ARRDC2: variants seen among roughly 807,000 people sequenced by gnomAD.
ARRDC2 encodes the protein arrestin domain-containing protein 2.
A neutral mutation model predicts 38.9 loss-of-function variants in ARRDC2; 39 were observed. The ratio of observed to expected loss-of-function variants is 1.00; its 90% CI spans 0.78 to 1.31. The LOEUF is 1.31. Ranked by LOEUF, ARRDC2 falls within the 50% of genes most tolerant of loss-of-function variation. ARRDC2 has a pLI of 0.00. For synonymous variants in ARRDC2, 300 were observed against 261.9 expected, an observed-to-expected ratio of 1.15 and a Z score of -1.41; for missense variants, 553 against 588.4, an observed-to-expected ratio of 0.94 and a Z score of 0.62.
In ARRDC2 at chr19:18,012,689, T is replaced by C. The variant is rs2033437198; in HGVS notation, c.1171-224T>C. On this transcript the variant is annotated intron_variant, in intron 7 of 7. Coordinates refer to ENST00000222250, the MANE Select transcript of ARRDC2 (RefSeq NM_015683.2). ...TCAGGGACCTGAGCATCTGTGGATT[T>C]TGGTATCCACGGGGTTCCTGGAACC... is the stretch of plus-strand genomic sequence containing the variant. Among the ~76,000 whole-genome samples the C allele has an allele frequency of 1.3e-5, 2 of 152,172 alleles. 1 individual carries two copies. Among genetic ancestry groups the C allele is most frequent in the South Asian group, 4.1e-4 (2 of 4,832 alleles).
At position 18,008,223 on chromosome 19, in the gene ARRDC2, T is replaced by C; in HGVS notation, c.-88T>C. ...CTGCGCGTTGACGGCGATTTTGCGT[T>C]CTGAGGCTGCAGCGTCGGCATCTTG... On this transcript the variant is annotated 5_prime_UTR_variant, in exon 1 of 8. Coordinates refer to ENST00000222250, the MANE Select transcript of ARRDC2 (RefSeq NM_015683.2). 6.6e-7 allele frequency: 1 copy of C among 1,522,316 alleles called. No homozygotes were observed. The highest frequency in any genetic ancestry group is 1.2e-5 in the South Asian group (1 of 84,728). 94.3% of individuals were successfully genotyped at this position (1,522,316 alleles called of 1,614,324 possible). A position where few individuals can be genotyped will look rare whatever the true frequency, so the allele number is the denominator to read the frequency against.
In ARRDC2 at chr19:18,009,062, G is replaced by T. The variant is rs1248421365; in HGVS notation, c.433G>T (p.Ala145Ser). 1 of 1,613,554 alleles carries T rather than the reference G, an allele frequency of 6.2e-7. No individual in the cohort carries two copies. Among genetic ancestry groups the T allele is most frequent in the Admixed American group, 1.7e-5 (1 of 60,010 alleles). Reference protein sequence around the residue: ...LHRPWVPARRARKVFTVIEPV... With the variant: ...LHRPWVPARRSRKVFTVIEPV... ...CCGGCCCTGGGTCCCAGCACGCCGG[G>T]CAAGGAAGGTGTTCACTGTCATCGA... The change falls in exon 3 of 8, where the codon GCA becomes TCA. Residue 145 changes from alanine to serine, a missense_variant. By Grantham distance (99) the Ala-to-Ser change is moderately conservative (BLOSUM62 1). Transcript: ENST00000222250.
upstream of ARRDC2, chr19:18,008,104 G>A: frequency 8.4e-7 from 1 of 1,184,070 alleles, no homozygotes; most frequent in Non-Finnish European, 1.1e-6. Context: ...CCGGGGCGGG[G>A]AAGAGACGGT....
At chr19:18,010,076 C>T in intron 5 of ARRDC2, 37 bp downstream of exon 5, 4 of 1,605,056 alleles carry the variant, frequency 2.5e-6, no homozygotes, top group South Asian at 1.1e-5. Flanking sequence ...ACAGTGCCTA[C>T]ATTCACCCTG....
In ARRDC2 at chr19:18,008,215, T is replaced by C; in HGVS notation, c.-96T>C. 1 of 1,446,196 alleles carries C rather than the reference T, an allele frequency of 6.9e-7. No homozygotes were observed. Among genetic ancestry groups the C allele is most frequent in the African/African-American group, 1.5e-5 (1 of 65,530 alleles). 89.6% of individuals were successfully genotyped at this position (1,446,196 alleles called of 1,614,324 possible). ...GAGCGCGCCTGCGCGTTGACGGCGA[T>C]TTTGCGTTCTGAGGCTGCAGCGTCG... On this transcript the variant is annotated 5_prime_UTR_variant, in exon 1 of 8. Transcript: ENST00000222250.
chr19:18,003,773 G>A (rs1460411319), upstream of ARRDC2, among the ~76,000 whole-genome samples: 1 of 152,058 alleles, frequency 6.6e-6, no homozygotes, highest in African/African-American at 2.4e-5. Context: ...CCGAGCAGCT[G>A]GGACTACAGG....
chr19:18,004,014 C>G (rs1014285039), upstream of ARRDC2, among the ~76,000 whole-genome samples: 5 of 150,492 alleles, frequency 3.3e-5, no homozygotes, highest in Non-Finnish European at 7.4e-5. Context: ...CTCAGGTGAT[C>G]CATCCACCTC....
At chr19:18,001,576 G>A in intron 1 of ARRDC2, 2 of 1,325,478 alleles carry the variant, frequency 1.5e-6, no homozygotes, top group African/African-American at 3.1e-5. Context: ...GCTCCGAGGT[G>A]AGACACTCGT....
upstream of ARRDC2, chr19:18,007,037 A>T (rs1446952482): frequency 2.6e-5 from 4 of 151,836 alleles, no homozygotes; most frequent in African/African-American, 9.7e-5. Flanking sequence ...TTTGTTTATG[A>T]CCGCCCCCTC....
In ARRDC2 at chr19:18,013,080, C is replaced by A; in HGVS notation, c.*114C>A. On this transcript the variant is annotated 3_prime_UTR_variant, in exon 8 of 8. Transcript: ENST00000222250. ...CCCCGACTGCATCAAAGTTGGGGAA[C>A]CAAGTCTCAGAGTGAGGCGGGGGCC... 1.7e-6 allele frequency: 2 copies of A among 1,174,820 alleles called. No homozygotes were observed. Among genetic ancestry groups the A allele is most frequent in the Non-Finnish European group, 2.4e-6 (2 of 820,352 alleles). The allele number at this position is 1,174,820 out of a possible 1,614,324, so 72.8% of individuals were successfully genotyped here. A position where few individuals can be genotyped will look rare whatever the true frequency, so the allele number is the denominator to read the frequency against.
exon 1 of ARRDC2, chr19:18,001,249 C>A: frequency 8.7e-7 from 1 of 1,144,358 alleles, no homozygotes; most frequent in East Asian, 4.2e-5. Context: ...CCCCGGGGAT[C>A]TGCAGGCGCG....
upstream of ARRDC2, among the ~76,000 whole-genome samples, chr19:18,005,008 T>TAA (rs201334948): frequency 1.4e-5 from 2 of 145,498 alleles, no homozygotes; most frequent in South Asian, 4.2e-4. Flanking sequence ...AAAGCAAATT[T>TAA]AAAAAAAATT....
chr19:18,005,990 G>C (rs1197655441), upstream of ARRDC2, among the ~76,000 whole-genome samples: 11 of 151,740 alleles, frequency 7.2e-5, no homozygotes, highest in South Asian at 2.3e-3. Context: ...TCCCAGACGG[G>C]GCGGCGGGGC....
rs1244299459 is a variant in ARRDC2, at chr19:18,008,371, G to A, written c.61G>A (p.Glu21Lys). Residue 21 changes from glutamate (E) to lysine (K), a missense_variant, in exon 1 of 8, where the codon GAG (glutamate) becomes AAG (lysine). Physicochemically the swap from Glu to Lys is moderately conservative, Grantham distance 56 (BLOSUM62 1). This residue lies in a region of ARRDC2 where 447 missense variants were observed against 456.6 expected (regional missense o/e 0.98). Coordinates refer to ENST00000222250, the MANE Select transcript of ARRDC2 (RefSeq NM_015683.2). ...VQLDGATAGV[E>K]PVFSGGQAVA... ...GTTGGACGGCGCGACCGCGGGCGTC[G>A]AGCCCGTGTTTAGCGGCGGCCAGGC... 1.3e-6 allele frequency: 2 copies of A among 1,596,732 alleles called. No homozygotes were observed. Among genetic ancestry groups the A allele is most frequent in the Non-Finnish European group, 1.7e-6 (2 of 1,178,916 alleles).
In ARRDC2 at chr19:18,013,287, C is replaced by T; in HGVS notation, c.*321C>T. ...GCCTTCAGTCTGGGAGAAACAGAGCCAGACATAGACAGTTCCAGCATCACA... is the reference window on the plus strand; with the variant it reads ...GCCTTCAGTCTGGGAGAAACAGAGCTAGACATAGACAGTTCCAGCATCACA... On this transcript the variant is annotated 3_prime_UTR_variant, in exon 8 of 8. Coordinates refer to ENST00000222250, the MANE Select transcript of ARRDC2 (RefSeq NM_015683.2). 1 of 290,048 alleles carries T rather than the reference C, an allele frequency of 3.4e-6. No individual in the cohort carries two copies. The highest frequency in any genetic ancestry group is 6.4e-6 in the Non-Finnish European group (1 of 155,188). 18.0% of individuals were successfully genotyped at this position (290,048 alleles called of 1,614,324 possible).
upstream of ARRDC2, chr19:18,008,133 C>CCCCCCT: frequency 1.5e-6 from 2 of 1,290,786 alleles, no homozygotes; most frequent in Non-Finnish European, 2.0e-6. Flanking sequence ...CCCCCCCCGC[C>CCCCCCT]CTGCCGTATA....
At chr19:18,003,454 T>TG (rs2033217018), upstream of ARRDC2, among the ~76,000 whole-genome samples, 1 of 147,678 alleles carries the variant, frequency 6.8e-6, no homozygotes, top group Non-Finnish European at 1.5e-5. Context: ...TGTTTTGTTT[T>TG]GTTTTGTTTT....
At chr19:18,002,378 C>G (rs1238057223) in intron 1 of ARRDC2, among the ~76,000 whole-genome samples, 1 of 152,238 alleles carries the variant, frequency 6.6e-6, no homozygotes. Context: ...CCTTCTCGCA[C>G]CCCAAGCGCC....
upstream of ARRDC2, among the ~76,000 whole-genome samples, chr19:18,004,242 T>TA (rs2033230866): frequency 7.4e-6 from 1 of 135,228 alleles, no homozygotes; most frequent in Non-Finnish European, 1.6e-5. Flanking sequence ...TTAGCCGGGC[T>TA]AACTTTTTTT....
Sources: gnomAD v4.1 joint callset for allele counts (sites outside exome capture counted in the v4.1 genomes callset) on GRCh38, gnomAD v4.1.1 for gene constraint, gnomAD v4.1.1 regional missense constraint, MANE v1.5 for transcripts, NCBI Gene and HGNC (gene_info 2026-07-23, HGNC 2026-07-21) for gene names.